Variants in LTV1 observed in about 807,000 individuals in gnomAD.
The protein encoded by LTV1 is protein LTV1 homolog.
In LTV1, 39 loss-of-function variants were observed where a neutral mutation model predicts 59.9. That is an observed-to-expected ratio of 0.65 (90% CI 0.50 to 0.85). The LOEUF (loss-of-function observed/expected upper bound fraction) is 0.85, where lower values mean the gene tolerates loss of function less well. Ranked by LOEUF, LTV1 falls within the 40% of genes least tolerant of loss-of-function variation. The pLI is 0.00. For synonymous variants in LTV1, 171 were observed against 189.5 expected (o/e 0.90, Z 0.80); for missense variants, 493 against 549.1 (o/e 0.90, Z 1.02).
Position 143,857,038 on chromosome 6 carries a change from GC to G in LTV1, c.398-261del, listed in dbSNP as rs1188939681. 6.6e-6 allele frequency among the ~76,000 whole-genome samples: 1 copy of G among 152,218 alleles called. No individual in the cohort carries two copies. The highest frequency in any genetic ancestry group is 1.9e-4 in the East Asian group (1 of 5,200). ...GTCTGCTGAAGCTGTGCCCACAGCC[GC>G]CCCTTCCCCCAGGTGCTCTGTCCCA... On this transcript the variant is annotated intron_variant, in intron 4 of 10. Coordinates refer to ENST00000367576, the MANE Select transcript of LTV1 (RefSeq NM_032860.5). The surrounding 1 kb of genome is among the most constrained non-coding windows in gnomAD (Gnocchi z 5.2).
Position 143,850,679 on chromosome 6 carries a change from AAC to A in LTV1, c.397+465_397+466del, listed in dbSNP as rs1031526583. On this transcript the variant is annotated intron_variant, in intron 4 of 10. Transcript: ENST00000367576. ...AGTACCAACACTGTATTTCAGAACA[AAC>A]ACAAAAGTCTACAGAAGTGGTGTTG... Among the ~76,000 whole-genome samples, 53 of 152,336 alleles carry A rather than the reference AAC, an allele frequency of 3.5e-4. 1 individual carries two copies. The highest frequency in any genetic ancestry group is 1.2e-3 in the African/African-American group (51 of 41,568).
At chr6:143,846,277 G>T in intron 3 of LTV1, 53 bp downstream of exon 3, 2 of 1,536,440 alleles carry the variant, frequency 1.3e-6, no homozygotes, top group South Asian at 2.4e-5. Flanking sequence ...AATCATTTTT[G>T]AATCAAGATA....
rs754483352 is a variant in LTV1 at position 143,860,595 on chromosome 6, TA to T, written c.923+48del. The stretch of plus-strand genomic sequence containing the variant: ...TTCCTTGTTTAGCTGTTCTTTTTTT[TA>T]AAAAAGAAAAAATTCCAAAGAAAGG... On this transcript the variant is annotated intron_variant, in intron 7 of 10. Coordinates refer to ENST00000367576, the MANE Select transcript of LTV1 (RefSeq NM_032860.5). 15 of 1,532,894 alleles carry T rather than the reference TA, an allele frequency of 9.8e-6. No homozygotes were observed. The African/African-American group carries it at 1.5e-4, about 16-fold the overall frequency. The allele number at this position is 1,532,894 out of a possible 1,614,324, so 95.0% of individuals were successfully genotyped here. A position where few individuals can be genotyped will look rare whatever the true frequency, so the allele number is the denominator to read the frequency against.
chr6:143,852,416 G>T (rs1310163120), intron 4 of LTV1, among the ~76,000 whole-genome samples: 3 of 152,106 alleles, frequency 2.0e-5, no homozygotes, highest in Non-Finnish European at 4.4e-5. Flanking sequence ...TTTCAATGGG[G>T]TTGTTTGTTT....
At chr6:143,861,961 G>A (rs1384346977) in intron 7 of LTV1, 143 bp from the exon 8 acceptor site, 1 of 753,362 alleles carries the variant, frequency 1.3e-6, no homozygotes, top group East Asian at 2.8e-5. Flanking sequence ...GAGTTTGACA[G>A]AAAATAACGG....
In LTV1 at chr6:143,855,391, T is replaced by G. The variant is rs1777058075; in HGVS notation, c.398-1912T>G. On this transcript the variant is annotated intron_variant, in intron 4 of 10. Coordinates refer to ENST00000367576, the MANE Select transcript of LTV1 (RefSeq NM_032860.5). This position sits in a 1 kb window ranked among gnomAD's most constrained non-coding sequence, Gnocchi z 4.6. ...ACAGCACACTGATGGGTCTTGACTC[T>G]TTATCCAATTTGCCAATCTGTGTCT... Among the ~76,000 whole-genome samples the G allele has an allele frequency of 6.6e-6, 1 of 152,208 alleles. No homozygotes were observed. The highest frequency in any genetic ancestry group is 2.4e-5 in the African/African-American group (1 of 41,456).
intron 6 of LTV1, chr6:143,858,511 C>G (rs1043858628): frequency 6.3e-6 from 1 of 157,490 alleles, no homozygotes; most frequent in Admixed American, 6.0e-5. Flanking sequence ...GTGAATCCCC[C>G]AAGGGCAGAG....
chr6:143,851,325 T>G (rs1392102501), intron 4 of LTV1, among the ~76,000 whole-genome samples: 1 of 152,162 alleles, frequency 6.6e-6, no homozygotes, highest in Non-Finnish European at 1.5e-5. Flanking sequence ...CAGCCTAGTA[T>G]ATTTATAGAT....
At position 143,850,236 on chromosome 6, in the gene LTV1, A is replaced by C. The variant is rs753180496; in HGVS notation, c.397+18A>C. On this transcript the variant is annotated intron_variant, in intron 4 of 10. Transcript: ENST00000367576. Reference sequence around the variant, plus strand: ...AGTTTCAGGTATTTTTAATTGCTTTATCTTTTCATATGGATAAATGTATTT... The same window carrying C: ...AGTTTCAGGTATTTTTAATTGCTTTCTCTTTTCATATGGATAAATGTATTT... 1 of 1,568,414 alleles carries C rather than the reference A, an allele frequency of 6.4e-7. No homozygotes were observed. Among genetic ancestry groups the C allele is most frequent in the Non-Finnish European group, 8.8e-7 (1 of 1,140,888 alleles).
intron 4 of LTV1, among the ~76,000 whole-genome samples, chr6:143,853,297 T>G (rs886693314): frequency 6.6e-6 from 1 of 152,218 alleles, no homozygotes; most frequent in African/African-American, 2.4e-5. Context: ...GGAATGCTTG[T>G]GATTTTTGCA....
chr6:143,857,765 G>A lies in LTV1; in HGVS notation c.553G>A (p.Glu185Lys). The change falls in exon 6 of 11, where the codon GAA (glutamate) becomes AAA (lysine). Residue 185 changes from glutamate to lysine, a missense_variant. Glu to Lys is a moderately conservative substitution (Grantham distance 56). Transcript: ENST00000367576. The surrounding 1 kb of genome is among the most constrained non-coding windows in gnomAD (Gnocchi z 5.2). ...EGMDIQKSEN[E>K]DDSEWEDVDD... is the part of the protein sequence containing the mutation. ...CCTTTACTTTAGGAAATCTGAGAAT[G>A]AAGATGACAGCGAGTGGGAAGATGT... 1 of 1,614,128 alleles carries A rather than the reference G, an allele frequency of 6.2e-7. No individual in the cohort carries two copies. Among genetic ancestry groups the A allele is most frequent in the East Asian group, 2.2e-5 (1 of 44,876 alleles).
chr6:143,863,501 A>C lies in LTV1; in HGVS notation c.1402A>C (p.Lys468Gln). 6.2e-7 allele frequency: 1 copy of C among 1,613,578 alleles called. No individual in the cohort carries two copies. Among genetic ancestry groups the C allele is most frequent in the Non-Finnish European group, 8.5e-7 (1 of 1,179,766 alleles). ...RQEKELLNLK[K>Q]NVEGLKL ...AGAAAAAGAGCTGCTGAACTTGAAG[A>C]AGAATGTTGAGGGTCTAAAGCTATA... Residue 468 changes from lysine (K) to glutamine (Q), a missense_variant, in exon 11 of 11, where the codon AAG becomes CAG. Transcript: ENST00000367576. The surrounding 1 kb of genome is among the most constrained non-coding windows in gnomAD (Gnocchi z 4.5).
At chr6:143,850,463 T>C (rs1776964163) in intron 4 of LTV1, among the ~76,000 whole-genome samples, 1 of 152,244 alleles carries the variant, frequency 6.6e-6, no homozygotes, top group Non-Finnish European at 1.5e-5. Flanking sequence ...CTTGGTAATC[T>C]AGTTAGGGGA....
In LTV1 at chr6:143,862,133, T is replaced by C. The variant is rs773447124; in HGVS notation, c.953T>C (p.Leu318Ser). ...GTAAAATTGAATACCCTTGAACCCT[T>C]GGAGGATCAAGACCTGCCAATGAAT... is the stretch of plus-strand genomic sequence containing the variant. Reference protein sequence around the residue: ...NCVKLNTLEPLEDQDLPMNEL... With the variant: ...NCVKLNTLEPSEDQDLPMNEL... Residue 318 changes from leucine (L) to serine (S), a missense_variant, in exon 8 of 11, where the codon TTG becomes TCG. Coordinates refer to ENST00000367576, the MANE Select transcript of LTV1 (RefSeq NM_032860.5). This position sits in a 1 kb window ranked among gnomAD's most constrained non-coding sequence, Gnocchi z 4.2. 6.2e-7 allele frequency: 1 copy of C among 1,613,986 alleles called. No homozygotes were observed.
rs765904128 is a variant in LTV1, at chr6:143,857,345, A to T, written c.440A>T (p.Asp147Val). Reference protein sequence around the residue: ...DFDPDIVAALDDDFDFDDPDN... With the variant: ...DFDPDIVAALVDDFDFDDPDN... ...GATCCTGACATTGTTGCAGCTCTTG[A>T]TGATGATTTTGACTTTGATGATCCA... is the stretch of plus-strand genomic sequence containing the variant. Residue 147 changes from aspartate to valine, a missense_variant, in exon 5 of 11, where the codon GAT becomes GTT. Asp to Val is a radical substitution (Grantham distance 152). Transcript: ENST00000367576. This position sits in a 1 kb window ranked among gnomAD's most constrained non-coding sequence, Gnocchi z 5.2. 2 of 1,613,938 alleles carry T rather than the reference A, an allele frequency of 1.2e-6. No individual in the cohort carries two copies. The highest frequency in any genetic ancestry group is 2.2e-5 in the South Asian group (2 of 91,080).
At chr6:143,860,972 C>G (rs187108329) in intron 7 of LTV1, among the ~76,000 whole-genome samples, 1 of 151,704 alleles carries the variant, frequency 6.6e-6, no homozygotes, top group Non-Finnish European at 1.5e-5. Flanking sequence ...CTCAGCTCAC[C>G]TGCAACCTCC....
chr6:143,850,701 G>C (rs1218024836), intron 4 of LTV1, among the ~76,000 whole-genome samples: 1 of 152,166 alleles, frequency 6.6e-6, no homozygotes, highest in Non-Finnish European at 1.5e-5. Context: ...TACAGAAGTG[G>C]TGTTGGTATT....
In LTV1 at chr6:143,843,403, G is replaced by A. The variant is rs1776831648; in HGVS notation, c.-75G>A. ...GGCCTACAGAAGCGGCCTTCAGCTG[G>A]ACCTTGGTCTCCCCGCCGGACTTCG... On this transcript the variant is annotated 5_prime_UTR_variant, in exon 1 of 11. Coordinates refer to ENST00000367576, the MANE Select transcript of LTV1 (RefSeq NM_032860.5). The A allele has an allele frequency of 1.9e-6, 3 of 1,597,382 alleles. No individual in the cohort carries two copies. Among genetic ancestry groups the A allele is most frequent in the African/African-American group, 1.3e-5 (1 of 74,678 alleles).
intron 1 of LTV1, 98 bp from the exon 2 acceptor site, chr6:143,844,388 T>G (rs1292998341): frequency 7.5e-7 from 1 of 1,332,172 alleles, no homozygotes; most frequent in African/African-American, 1.5e-5. Flanking sequence ...AAAAAGTATC[T>G]TTAACATGAC....
Sources: allele counts gnomAD v4.1 joint callset (sites outside exome capture counted in the v4.1 genomes callset), GRCh38; gene constraint gnomAD v4.1.1; non-coding constraint Gnocchi (gnomAD v3.1); transcripts MANE v1.5; gene names NCBI Gene and HGNC (gene_info 2026-07-23, HGNC 2026-07-21).